LUC7L: variants seen among roughly 807,000 people sequenced by gnomAD.
The protein encoded by LUC7L is putative RNA-binding protein Luc7-like 1.
Under a neutral mutation model 51.1 loss-of-function variants are expected in LUC7L, and 29 were observed. The ratio of observed to expected loss-of-function variants is 0.57; its 90% CI spans 0.42 to 0.77. The LOEUF (loss-of-function observed/expected upper bound fraction) is 0.77, where lower values mean the gene tolerates loss of function less well. LUC7L is among the 30% of genes least tolerant of loss of function. LUC7L has a pLI of 0.00. For missense variants in LUC7L, 403 were observed against 511.9 expected (o/e 0.79, Z 2.05); for synonymous variants, 181 against 180.7 (o/e 1.00, Z -0.01).
intron 3 of LUC7L, among the ~76,000 whole-genome samples, chr16:214,215 G>A (rs921496005): frequency 6.6e-5 from 10 of 151,838 alleles, no homozygotes; most frequent in South Asian, 2.1e-4. Flanking sequence ...TTACAGGTGC[G>A]CACCACCACA....
chr16:225,896 A>T (rs186986765), intron 2 of LUC7L, among the ~76,000 whole-genome samples: 19 of 152,268 alleles, frequency 1.2e-4, no homozygotes, highest in Non-Finnish European at 2.2e-4. Context: ...GGGTCTGGCC[A>T]AGGAAAACAT....
intron 3 of LUC7L, among the ~76,000 whole-genome samples, chr16:216,704 G>A (rs1051053069): frequency 1.3e-5 from 2 of 152,028 alleles, no homozygotes; most frequent in African/African-American, 4.8e-5. Context: ...TGAGCCCCCT[G>A]TAAGGTCAAA....
chr16:198,129 A>G (rs2049209202), intron 6 of LUC7L, among the ~76,000 whole-genome samples: 1 of 151,500 alleles, frequency 6.6e-6, no homozygotes, highest in Admixed American at 6.6e-5. Flanking sequence ...AACAACAAAA[A>G]TTAGCCGGGC....
At chr16:206,170 A>C in intron 4 of LUC7L, 23 bp from the exon 5 acceptor site, 1 of 1,603,054 alleles carries the variant, frequency 6.2e-7, no homozygotes, top group Non-Finnish European at 8.5e-7. Flanking sequence ...AGAATGAGGT[A>C]AGCAGACATC....
chr16:210,287 CA>C (rs1176769834), intron 3 of LUC7L, among the ~76,000 whole-genome samples: 3 of 152,006 alleles, frequency 2.0e-5, no homozygotes, highest in Admixed American at 6.6e-5. Flanking sequence ...GACTCCCTCT[CA>C]AAAAAATACA....
chr16:213,046 C>T (rs922500345), intron 3 of LUC7L, among the ~76,000 whole-genome samples: 1 of 152,096 alleles, frequency 6.6e-6, no homozygotes, highest in Non-Finnish European at 1.5e-5. Flanking sequence ...GGATTACAGG[C>T]GTGAGCGCAC....
At chr16:217,684 G>A (rs1308268617) in intron 3 of LUC7L, among the ~76,000 whole-genome samples, 4 of 150,846 alleles carry the variant, frequency 2.7e-5, no homozygotes. Flanking sequence ...TACAGCCTGG[G>A]CAACAAGAGT....
At chr16:192,837 G>A (rs2049045236) in intron 7 of LUC7L, 90 bp downstream of exon 7, 3 of 1,140,988 alleles carry the variant, frequency 2.6e-6, no homozygotes, top group Non-Finnish European at 3.9e-6. Context: ...TATTGGGCAG[G>A]CCCTGCCTAT....
rs768553740 is a variant in LUC7L, at chr16:190,046, T to C, written c.896A>G (p.His299Arg). Reference sequence around the variant, plus strand: ...CCGGGAACGGCTGCGGTGGCGCCGATGTCTATCTCGGGACCGGGACCGGGA... The same window carrying C: ...CCGGGAACGGCTGCGGTGGCGCCGACGTCTATCTCGGGACCGGGACCGGGA... ...KLSRSRSRDR[H>R]RRHRSRSRSH... is the part of the protein sequence containing the mutation. Residue 299 changes from histidine to arginine, a missense_variant, in exon 9 of 10, where the codon CAT becomes CGT. Physicochemically the swap from His to Arg is conservative, Grantham distance 29. Around this residue, in one of 3 missense-constraint regions of LUC7L, gnomAD observed 206 missense variants for 218.3 expected, o/e 0.94. Coordinates refer to ENST00000293872, the MANE Select transcript of LUC7L (RefSeq NM_201412.3). The C allele has an allele frequency of 6.8e-6, 11 of 1,613,978 alleles. No individual in the cohort carries two copies. Among genetic ancestry groups the C allele is most frequent in the East Asian group, 6.7e-5 (3 of 44,882 alleles).
At chr16:194,165 G>A (rs1244028673) in intron 6 of LUC7L, among the ~76,000 whole-genome samples, 6 of 151,832 alleles carry the variant, frequency 4.0e-5, no homozygotes, top group African/African-American at 7.3e-5. Context: ...GTGCAGTGGC[G>A]CAATCACAGC....
At chr16:214,649 C>T (rs2049736616) in intron 3 of LUC7L, among the ~76,000 whole-genome samples, 1 of 152,188 alleles carries the variant, frequency 6.6e-6, no homozygotes, top group South Asian at 2.1e-4. Context: ...GCCTCAGCCC[C>T]TCGAGTAGCT....
At chr16:190,880 CAAAAA>C (rs2048993001) in intron 7 of LUC7L, 2 of 277,370 alleles carry the variant, frequency 7.2e-6, no homozygotes, top group Non-Finnish European at 6.6e-6. Context: ...AACTTTGTCT[CAAAAA>C]GAAAAAAAAA....
At chr16:228,283 A>G in intron 1 of LUC7L, 8 of 1,301,806 alleles carry the variant, frequency 6.1e-6, no homozygotes, top group Non-Finnish European at 8.1e-6. Flanking sequence ...CTTGTGAAAA[A>G]AAGCAAACAC....
rs767489629 is a variant in LUC7L, at chr16:208,148, C to T, written c.296G>A (p.Arg99Gln). 13 of 1,613,726 alleles carry T rather than the reference C, an allele frequency of 8.1e-6. No individual in the cohort carries two copies. The highest frequency in any genetic ancestry group is 1.7e-5 in the Admixed American group (1 of 59,838). Residue 99 changes from arginine (R) to glutamine (Q), a missense_variant, in exon 4 of 10, where the codon CGG (arginine) becomes CAG (glutamine). Transcript: ENST00000293872. ...HLESFIAECD[R>Q]RTELAKKRLA... ...CCGCTTCTTGGCGAGCTCAGTTCTC[C>T]GATCACATTCAGCAATAAAGGACTC...
intron 5 of LUC7L, among the ~76,000 whole-genome samples, chr16:201,952 C>G (rs2049345712): frequency 1.3e-5 from 2 of 151,988 alleles, no homozygotes; most frequent in South Asian, 2.1e-4. Flanking sequence ...CCAAGTTGGC[C>G]AGGCTGGTCT....
chr16:196,427 C>CAAAA (rs1280885414), intron 6 of LUC7L, among the ~76,000 whole-genome samples: 13 of 148,410 alleles, frequency 8.8e-5, no homozygotes, highest in African/African-American at 3.3e-4. Context: ...AACAAACAAA[C>CAAAA]AAAAAAAACC....
intron 9 of LUC7L, 59 bp downstream of exon 9, chr16:189,909 G>C (rs1430918219): frequency 6.4e-7 from 1 of 1,565,658 alleles, no homozygotes; most frequent in African/African-American, 1.3e-5. Context: ...AGCAGACCCT[G>C]GGAACACAGA....
At chr16:197,707 G>A (rs959051202) in intron 6 of LUC7L, among the ~76,000 whole-genome samples, 6 of 152,320 alleles carry the variant, frequency 3.9e-5, no homozygotes, top group Admixed American at 2.0e-4. Flanking sequence ...CTCCTGAGGT[G>A]CACAGCCCTG....
At chr16:212,579 G>T (rs2049674607) in intron 3 of LUC7L, among the ~76,000 whole-genome samples, 1 of 152,124 alleles carries the variant, frequency 6.6e-6, no homozygotes, top group African/African-American at 2.4e-5. Context: ...ACAACTGTAA[G>T]ACAGGAAAAC....
Sources: allele counts gnomAD v4.1 joint callset (sites outside exome capture counted in the v4.1 genomes callset), GRCh38; gene constraint gnomAD v4.1.1; regional missense constraint gnomAD v4.1.1; transcripts MANE v1.5; gene names NCBI Gene and HGNC (gene_info 2026-07-23, HGNC 2026-07-21).